The following ANOS1 variants were observed in gnomAD, a reference collection of about 807,000 sequenced individuals.
ANOS1 encodes the protein anosmin 1.
Under a neutral mutation model 59.0 loss-of-function variants are expected in ANOS1, and 6 were observed. The ratio of observed to expected loss-of-function variants is 0.10; its 90% CI spans 0.06 to 0.20. The LOEUF is 0.20. Among genes scored for constraint, ANOS1 ranks in the 10% least tolerant of loss-of-function variants. ANOS1 has a pLI of 1.00. For synonymous variants in ANOS1, 217 were observed against 223.4 expected (o/e 0.97, Z 0.25); for missense variants, 433 against 542.3 (o/e 0.80, Z 2.00).
At chrX:8,600,644 C>T (rs1930825308) in intron 3 of ANOS1, among the ~76,000 whole-genome samples, 2 of 112,137 alleles carry the variant, frequency 1.8e-5, no homozygotes, top group Non-Finnish European at 3.8e-5. Flanking sequence ...GCTTTTATCT[C>T]TTACTCTATT....
chrX:8,685,597 G>GAAGAAAGAAAGAAAGA (rs557905634), intron 2 of ANOS1, among the ~76,000 whole-genome samples: 24 of 57,271 alleles, frequency 4.2e-4, no homozygotes, highest in Admixed American at 7.1e-4. Flanking sequence ...AGAAAGAAAG[G>GAAGAAAGAAAGAAAGA]AAGAAAGAAA....
Position 8,534,523 on chromosome X carries a change from C to T in ANOS1, c.1843-63G>A, listed in dbSNP as rs775599702. Reference sequence around the variant, plus strand: ...CCTTTCAGAGACAACATGCAATGCACAGAGAGCCTAGAACAGTTTTTCCCC... The same window carrying T: ...CCTTTCAGAGACAACATGCAATGCATAGAGAGCCTAGAACAGTTTTTCCCC... On this transcript the variant is annotated intron_variant, in intron 12 of 13. Transcript: ENST00000262648. 1.6e-4 allele frequency: 181 copies of T among 1,119,009 alleles called. No individual in the cohort carries two copies. The African/African-American group carries it at 3.0e-3, about 19-fold the overall frequency. The allele number at this position is 1,119,009 out of a possible 1,213,427, so 92.2% of individuals were successfully genotyped here. A position where few individuals can be genotyped will look rare whatever the true frequency, so the allele number is the denominator to read the frequency against.
intron 1 of ANOS1, among the ~76,000 whole-genome samples, chrX:8,722,295 A>C (rs1932880158): frequency 9.0e-6 from 1 of 111,046 alleles, no homozygotes; most frequent in Non-Finnish European, 1.9e-5. Flanking sequence ...ATTTTGGTGC[A>C]CCCATCACCC....
intron 8 of ANOS1, among the ~76,000 whole-genome samples, chrX:8,567,667 G>A (rs950162749): frequency 2.7e-5 from 3 of 111,048 alleles, no homozygotes; most frequent in African/African-American, 9.8e-5. Flanking sequence ...GGTGGTGCAC[G>A]CCTGTAATCC....
chrX:8,660,245 A>G (rs1204552859), intron 2 of ANOS1, among the ~76,000 whole-genome samples: 2 of 111,622 alleles, frequency 1.8e-5, no homozygotes, highest in Non-Finnish European at 3.8e-5. Flanking sequence ...CACACACACA[A>G]AAAGGTCTCA....
At chrX:8,546,160 C>T (rs933210926) in intron 9 of ANOS1, among the ~76,000 whole-genome samples, 1 of 112,169 alleles carries the variant, frequency 8.9e-6, no homozygotes, top group Admixed American at 9.5e-5. Context: ...GGTCTCCTTT[C>T]CTACATGTGT....
chrX:8,645,443 G>A (rs1242371819), intron 2 of ANOS1, among the ~76,000 whole-genome samples: 1 of 111,945 alleles, frequency 8.9e-6, no homozygotes, highest in Admixed American at 9.4e-5. Context: ...ACACCTTTCA[G>A]TCAACCTGAT....
At chrX:8,717,745 T>A in intron 1 of ANOS1, among the ~76,000 whole-genome samples, 1 of 112,135 alleles carries the variant, frequency 8.9e-6, no homozygotes, top group Non-Finnish European at 1.9e-5. Context: ...GCACAGTGGC[T>A]CACACCTGTA....
At chrX:8,706,569 C>G (rs144210798) in intron 1 of ANOS1, among the ~76,000 whole-genome samples, 2 of 111,980 alleles carry the variant, frequency 1.8e-5, no homozygotes, top group Non-Finnish European at 3.8e-5. Context: ...GATGTGCCAA[C>G]GTAGGTTCAT....
Position 8,532,648 on chromosome X carries a change from T to C in ANOS1, c.*347A>G. 1 of 170,977 alleles carries C rather than the reference T, an allele frequency of 5.8e-6. No homozygotes were observed. Among genetic ancestry groups the C allele is most frequent in the Non-Finnish European group, 1.1e-5 (1 of 89,415 alleles). 14.1% of individuals were successfully genotyped at this position (170,977 alleles called of 1,213,427 possible). On this transcript the variant is annotated 3_prime_UTR_variant, in exon 14 of 14. Transcript: ENST00000262648. Reference sequence around the variant, plus strand: ...GTGAATTGTGTATTTGTTACTCTCCTTTTTGGGGCGGAGTTTGGTGCTCCA... The same window carrying C: ...GTGAATTGTGTATTTGTTACTCTCCCTTTTGGGGCGGAGTTTGGTGCTCCA...
Position 8,634,486 on chromosome X carries a change from G to A in ANOS1, c.256-10816C>T, listed in dbSNP as rs139417030. Among the ~76,000 whole-genome samples, 547 of 111,537 alleles carry A rather than the reference G, an allele frequency of 4.9e-3. 14 individuals are homozygous for A. In the South Asian group the frequency reaches 0.083, roughly 17 times the overall value. ...TTGTTTTTGTAAATAAAGTTTTATTGGAACAGAGCCATGTCTGTTCATTTA... is the reference window on the plus strand; with the variant it reads ...TTGTTTTTGTAAATAAAGTTTTATTAGAACAGAGCCATGTCTGTTCATTTA... On this transcript the variant is annotated intron_variant, in intron 2 of 13. Transcript: ENST00000262648.
intron 2 of ANOS1, among the ~76,000 whole-genome samples, chrX:8,643,243 C>T (rs1931695391): frequency 8.9e-6 from 1 of 111,905 alleles, no homozygotes; most frequent in African/African-American, 3.2e-5. Flanking sequence ...GTGTTTGCAA[C>T]TCAGAATCAT....
intron 3 of ANOS1, among the ~76,000 whole-genome samples, 180 bp downstream of exon 3, chrX:8,623,428 T>C (rs977028431): frequency 3.6e-5 from 4 of 110,851 alleles, no homozygotes; most frequent in African/African-American, 1.3e-4. Context: ...AAGCAGTGGG[T>C]AGCCAGGTTT....
Position 8,546,994 on chromosome X carries a change from T to C in ANOS1, c.1354+6958A>G, listed in dbSNP as rs775826211. Among the ~76,000 whole-genome samples the C allele has an allele frequency of 2.5e-3, 285 of 111,891 alleles. 5 individuals are homozygous for C. The highest frequency in any genetic ancestry group is 8.7e-3 in the African/African-American group (269 of 30,775). On this transcript the variant is annotated intron_variant, in intron 9 of 13. Transcript: ENST00000262648. Reference sequence around the variant, plus strand: ...AAATCCCAGTTCAGACAATAAATTATGTGGTCACTTGTGTAATACTCTTAC... The same window carrying C: ...AAATCCCAGTTCAGACAATAAATTACGTGGTCACTTGTGTAATACTCTTAC...
intron 6 of ANOS1, among the ~76,000 whole-genome samples, chrX:8,576,467 T>TATACAC (rs1555894642): frequency 4.0e-5 from 4 of 100,058 alleles, no homozygotes; most frequent in African/African-American, 1.5e-4. Flanking sequence ...TATATATATA[T>TATACAC]ACACACACAC....
chrX:8,594,695 T>TATATATATATATAC (rs1569058385), intron 4 of ANOS1, among the ~76,000 whole-genome samples: 1 of 59,255 alleles, frequency 1.7e-5, no homozygotes, highest in Non-Finnish European at 2.9e-5. Flanking sequence ...TATATATATA[T>TATATATATATATAC]ATACACATAT....
intron 3 of ANOS1, among the ~76,000 whole-genome samples, chrX:8,606,781 TTTA>T (rs1369412880): frequency 8.9e-6 from 1 of 112,663 alleles, no homozygotes; most frequent in Non-Finnish European, 1.9e-5. Flanking sequence ...TTCTGTGCGG[TTTA>T]TTAATTTTTA....
At chrX:8,619,560 C>T (rs756105856) in intron 3 of ANOS1, among the ~76,000 whole-genome samples, 5 of 110,673 alleles carry the variant, frequency 4.5e-5, no homozygotes, top group African/African-American at 6.6e-5. Context: ...GCTGAGATTG[C>T]GCCACTGCAC....
intron 2 of ANOS1, among the ~76,000 whole-genome samples, chrX:8,683,134 G>A (rs1177716590): frequency 2.7e-5 from 3 of 110,727 alleles, no homozygotes; most frequent in Non-Finnish European, 5.7e-5. Flanking sequence ...TGGGGCTATG[G>A]GATTACCACA....
Sources: gnomAD v4.1 joint callset for allele counts (sites outside exome capture counted in the v4.1 genomes callset) on GRCh38, gnomAD v4.1.1 for gene constraint, MANE v1.5 for transcripts, NCBI Gene and HGNC (gene_info 2026-07-23, HGNC 2026-07-21) for gene names.